PTPRR: variants seen among roughly 807,000 people sequenced by gnomAD.
PTPRR encodes the protein receptor-type tyrosine-protein phosphatase R.
Under a neutral mutation model 77.2 loss-of-function variants are expected in PTPRR, and 38 were observed. The ratio of observed to expected loss-of-function variants is 0.49; its 90% CI spans 0.38 to 0.65. The LOEUF (loss-of-function observed/expected upper bound fraction) is 0.65. PTPRR is among the 30% of genes least tolerant of loss of function. The pLI is 0.00. For missense variants in PTPRR, 744 were observed against 799.2 expected, an observed-to-expected ratio of 0.93 and a Z score of 0.83; for synonymous variants, 299 against 283.1, an observed-to-expected ratio of 1.06 and a Z score of -0.57.
At chr12:70,896,893 G>C (rs1016843386) in intron 1 of PTPRR, among the ~76,000 whole-genome samples, 1 of 151,564 alleles carries the variant, frequency 6.6e-6, no homozygotes, top group Non-Finnish European at 1.5e-5. Flanking sequence ...GCTTGTTTTT[G>C]TCAGGTTTGT....
intron 6 of PTPRR, among the ~76,000 whole-genome samples, chr12:70,702,052 C>T (rs551595174): frequency 2.2e-4 from 34 of 152,080 alleles, no homozygotes; most frequent in Non-Finnish European, 4.1e-4. Context: ...TATGTATGCA[C>T]GCATATGTGA....
chr12:70,696,138 ATC>A (rs1351292302), intron 8 of PTPRR, among the ~76,000 whole-genome samples: 4 of 150,726 alleles, frequency 2.7e-5, no homozygotes, highest in African/African-American at 9.7e-5. Context: ...CTCCAACTAT[ATC>A]TGTTTGTTTA....
chr12:70,879,105 G>A (rs1592810626), intron 2 of PTPRR, among the ~76,000 whole-genome samples: 1 of 152,052 alleles, frequency 6.6e-6, no homozygotes, highest in Admixed American at 6.6e-5. Flanking sequence ...CCTGTTGTGG[G>A]GTGTGGGGAG....
chr12:70,744,789 T>A (rs1890159710), intron 6 of PTPRR, among the ~76,000 whole-genome samples: 1 of 152,204 alleles, frequency 6.6e-6, no homozygotes, highest in Non-Finnish European at 1.5e-5. Context: ...CCTGGGATAT[T>A]ACTTTGAGAA....
chr12:70,701,300 G>T lies in PTPRR; in HGVS notation c.1031C>A (p.Thr344Lys), dbSNP rs779047844. The T allele has an allele frequency of 6.2e-7, 1 of 1,613,824 alleles. No individual in the cohort carries two copies. The highest frequency in any genetic ancestry group is 8.5e-7 in the Non-Finnish European group (1 of 1,179,858). The change falls in exon 7 of 14, where the codon ACA becomes AAA. Residue 344 changes from threonine to lysine, a missense_variant. Transcript: ENST00000283228. ...QERRGSNVSL[T>K]LDMSSLGNIE... ...GTTCCCCAAGCTACTCATGTCCAAT[G>T]TAAGAGATACGTTGGACCCTCTTCT...
At chr12:70,649,838 G>A (rs1236338278) in intron 13 of PTPRR, among the ~76,000 whole-genome samples, 1 of 152,118 alleles carries the variant, frequency 6.6e-6, no homozygotes, top group Non-Finnish European at 1.5e-5. Flanking sequence ...TCCTCCCAAA[G>A]TCTGGGACTA....
chr12:70,829,324 G>A (rs140960405), intron 2 of PTPRR, among the ~76,000 whole-genome samples: 122 of 152,110 alleles, frequency 8.0e-4, no homozygotes, highest in African/African-American at 2.7e-3. Context: ...ATTGAAAAGC[G>A]GTCTACTTGA....
intron 7 of PTPRR, among the ~76,000 whole-genome samples, chr12:70,700,146 A>T (rs1888367304): frequency 6.6e-6 from 1 of 152,214 alleles, no homozygotes; most frequent in Admixed American, 6.6e-5. Flanking sequence ...TACTTTGGAC[A>T]CTTAATAATA....
intron 1 of PTPRR, among the ~76,000 whole-genome samples, chr12:70,913,442 T>A (rs1359054772): frequency 6.6e-6 from 1 of 152,184 alleles, no homozygotes; most frequent in Non-Finnish European, 1.5e-5. Flanking sequence ...TATAGGTAGA[T>A]AATAACCAAT....
intron 2 of PTPRR, among the ~76,000 whole-genome samples, chr12:70,816,683 C>T (rs764758888): frequency 2.6e-5 from 4 of 151,880 alleles, no homozygotes; most frequent in African/African-American, 4.8e-5. Context: ...CCAGAAACCA[C>T]AGGTCTAGAC....
chr12:70,808,176 A>G (rs1188641630), intron 2 of PTPRR, among the ~76,000 whole-genome samples: 1 of 152,104 alleles, frequency 6.6e-6, no homozygotes, highest in Non-Finnish European at 1.5e-5. Context: ...CAGCACCCCC[A>G]GGCTTGCTAG....
intron 6 of PTPRR, among the ~76,000 whole-genome samples, chr12:70,740,798 A>G (rs2136914253): frequency 6.6e-6 from 1 of 152,324 alleles, no homozygotes; most frequent in South Asian, 2.1e-4. Context: ...TAATGAAGCC[A>G]TACTTTTATG....
intron 2 of PTPRR, among the ~76,000 whole-genome samples, chr12:70,887,803 G>A (rs1349804493): frequency 1.3e-5 from 2 of 151,982 alleles, no homozygotes; most frequent in Non-Finnish European, 2.9e-5. Context: ...AGGCCAGGTG[G>A]TGTGCTATGC....
At chr12:70,878,255 C>G (rs566050435) in intron 2 of PTPRR, among the ~76,000 whole-genome samples, 169 of 152,232 alleles carry the variant, frequency 1.1e-3, no homozygotes, top group African/African-American at 3.9e-3. Flanking sequence ...CAAATGGGAT[C>G]TAATTAAACT....
intron 10 of PTPRR, among the ~76,000 whole-genome samples, chr12:70,682,560 T>A (rs1449626339): frequency 2.0e-5 from 3 of 152,202 alleles, no homozygotes; most frequent in Non-Finnish European, 2.9e-5. Flanking sequence ...TTGCATGCTG[T>A]TTCATATTCT....
intron 2 of PTPRR, among the ~76,000 whole-genome samples, chr12:70,874,293 T>C (rs777277796): frequency 9.2e-5 from 14 of 152,084 alleles, no homozygotes; most frequent in Admixed American, 2.0e-4. Flanking sequence ...GACAACCAAA[T>C]AAGTAGAGTG....
chr12:70,755,843 C>T (rs990066528), intron 4 of PTPRR, among the ~76,000 whole-genome samples: 6 of 152,094 alleles, frequency 3.9e-5, no homozygotes, highest in African/African-American at 9.7e-5. Flanking sequence ...ACCTCTTTGA[C>T]GTCAGCCATA....
chr12:70,774,964 GC>G (rs761162544), intron 2 of PTPRR, among the ~76,000 whole-genome samples: 8 of 152,276 alleles, frequency 5.3e-5, no homozygotes, highest in Non-Finnish European at 1.0e-4. Flanking sequence ...CAAGGCAACA[GC>G]TTTCAAGTTG....
At chr12:70,811,049 G>A (rs958257730) in intron 2 of PTPRR, among the ~76,000 whole-genome samples, 1 of 152,000 alleles carries the variant, frequency 6.6e-6, no homozygotes, top group African/African-American at 2.4e-5. Context: ...GAGACAGTGA[G>A]GACCGTAGGA....
Sources: gnomAD v4.1 joint callset for allele counts (sites outside exome capture counted in the v4.1 genomes callset) on GRCh38, gnomAD v4.1.1 for gene constraint, MANE v1.5 for transcripts, NCBI Gene and HGNC (gene_info 2026-07-23, HGNC 2026-07-21) for gene names.